Variants in TRPM3 observed in about 807,000 individuals in gnomAD.
TRPM3 encodes the protein transient receptor potential cation channel subfamily M member 3, also known as long transient receptor potential channel 3.
Under a neutral mutation model 181.2 loss-of-function variants are expected in TRPM3, and 77 were observed. The observed-to-expected ratio is 0.42, with a 90% CI of 0.35 to 0.51. TRPM3 has a LOEUF of 0.51. Among genes scored for constraint, TRPM3 ranks in the 20% least tolerant of loss-of-function variants. TRPM3 has a pLI of 0.01. For synonymous variants in TRPM3, 745 were observed against 796.4 expected (o/e 0.94, Z 1.09); for missense variants, 1,759 against 2,196.7 (o/e 0.80, Z 3.98).
At chr9:70,592,239 A>G (rs1348224021) in intron 21 of TRPM3, among the ~76,000 whole-genome samples, 2 of 152,200 alleles carry the variant, frequency 1.3e-5, no homozygotes, top group Admixed American at 1.3e-4. Context: ...GCTACGTTAA[A>G]TATGATACTG....
chr9:71,200,131 C>T (rs1227000605), intron 1 of TRPM3, among the ~76,000 whole-genome samples: 2 of 152,004 alleles, frequency 1.3e-5, no homozygotes, highest in African/African-American at 4.8e-5. Context: ...TCGTTATGTA[C>T]CCAGTAGTCA....
At chr9:71,047,663 C>T (rs2059592007) in intron 1 of TRPM3, among the ~76,000 whole-genome samples, 1 of 152,130 alleles carries the variant, frequency 6.6e-6, no homozygotes, top group Non-Finnish European at 1.5e-5. Context: ...TACTCCTTTA[C>T]CATAAGCAAG....
chr9:70,813,544 A>G (rs1340238416), intron 6 of TRPM3, among the ~76,000 whole-genome samples: 2 of 152,002 alleles, frequency 1.3e-5, no homozygotes, highest in Admixed American at 1.3e-4. Flanking sequence ...AAATCTTCCT[A>G]TTGAGTACTG....
chr9:70,570,174 A>G (rs2051831999), intron 22 of TRPM3, among the ~76,000 whole-genome samples: 1 of 151,566 alleles, frequency 6.6e-6, no homozygotes, highest in Admixed American at 6.6e-5. Context: ...AACTTAAGAC[A>G]TTGTACACAT....
chr9:71,445,490 T>G (rs1008270879), intron 1 of TRPM3, among the ~76,000 whole-genome samples: 4 of 152,208 alleles, frequency 2.6e-5, no homozygotes, highest in African/African-American at 7.2e-5. Flanking sequence ...CAAAAAACAT[T>G]AAGTATTTGA....
chr9:71,272,684 AAATAT>A (rs1565407492), intron 1 of TRPM3, among the ~76,000 whole-genome samples: 1 of 152,124 alleles, frequency 6.6e-6, no homozygotes, highest in Non-Finnish European at 1.5e-5. Context: ...GAAACTGTAT[AAATAT>A]AATTTATATA....
Position 70,916,985 on chromosome 9 carries a change from C to A in TRPM3, c.178-52474G>T, listed in dbSNP as rs1037271672. ...CTAGTGAACAATCTGGTATAATTGC[C>A]TGGAGGAGTTAGAAGTCCTGGGACA... On this transcript the variant is annotated intron_variant, in intron 1 of 25. Transcript: ENST00000677713. 5.3e-6 allele frequency: 8 copies of A among 1,515,272 alleles called. No homozygotes were observed. In the African/African-American group the frequency reaches 1.1e-4, roughly 21 times the overall value. The allele number at this position is 1,515,272 out of a possible 1,614,324, so 93.9% of individuals were successfully genotyped here.
rs77258431 is a variant in TRPM3, at chr9:70,606,692, C to A, written c.2668-3222G>T. Among the ~76,000 whole-genome samples, 6 of 150,192 alleles carry A rather than the reference C, an allele frequency of 4.0e-5. No individual in the cohort carries two copies. In the East Asian group the frequency reaches 9.8e-4, roughly 24 times the overall value. On this transcript the variant is annotated intron_variant, in intron 19 of 25. Coordinates refer to ENST00000677713, the MANE Select transcript of TRPM3 (RefSeq NM_001366145.2). ...ATGTATACTCTGTAAGGTTTAGCAA[C>A]CTGTATGTAGAATTTCCAAGCTTTT...
chr9:71,228,603 C>T (rs11142742), intron 1 of TRPM3, among the ~76,000 whole-genome samples: 34,959 of 151,878 alleles, frequency 0.23, 4,552 homozygotes, highest in African/African-American at 0.33. Context: ...AAACTTAGAA[C>T]GGATAAATTC....
At chr9:71,332,565 C>CA (rs142605562) in intron 1 of TRPM3, among the ~76,000 whole-genome samples, 11,804 of 146,394 alleles carry the variant, frequency 0.081, 801 homozygotes, top group African/African-American at 0.16. Context: ...TCTGATGAAC[C>CA]AAAAAAAAAC....
chr9:70,814,823 A>G (rs2092536117), intron 6 of TRPM3, among the ~76,000 whole-genome samples: 1 of 152,026 alleles, frequency 6.6e-6, no homozygotes. Flanking sequence ...CCCTGTGAAT[A>G]GACTACTTTC....
At chr9:70,915,821 GA>G (rs2096588606) in intron 1 of TRPM3, among the ~76,000 whole-genome samples, 1 of 152,056 alleles carries the variant, frequency 6.6e-6, no homozygotes, top group Admixed American at 6.6e-5. Context: ...AAAGTTTATT[GA>G]AAGGGATAAT....
At chr9:70,765,901 A>G (rs1478795238) in intron 7 of TRPM3, among the ~76,000 whole-genome samples, 1 of 152,212 alleles carries the variant, frequency 6.6e-6, no homozygotes, top group Non-Finnish European at 1.5e-5. Flanking sequence ...ATGGCACTAG[A>G]ATATTGATTG....
intron 1 of TRPM3, among the ~76,000 whole-genome samples, chr9:70,965,502 C>T (rs913497189): frequency 3.9e-5 from 6 of 151,970 alleles, no homozygotes; most frequent in African/African-American, 1.2e-4. Context: ...AAAAAGAAGA[C>T]ATCAAAAACC....
chr9:70,779,492 C>T (rs201757235), intron 7 of TRPM3, among the ~76,000 whole-genome samples: 1 of 152,096 alleles, frequency 6.6e-6, no homozygotes, highest in African/African-American at 2.4e-5. Flanking sequence ...GGGTGAAGTA[C>T]TTGCTCACTG....
At chr9:71,020,961 C>G (rs1564991408) in intron 1 of TRPM3, among the ~76,000 whole-genome samples, 1 of 152,086 alleles carries the variant, frequency 6.6e-6, no homozygotes, top group Non-Finnish European at 1.5e-5. Context: ...AATAAGCTAA[C>G]TAACTGGTTA....
chr9:71,257,783 G>T (rs991361058), intron 1 of TRPM3, among the ~76,000 whole-genome samples: 2 of 152,122 alleles, frequency 1.3e-5, no homozygotes, highest in African/African-American at 4.8e-5. Context: ...AGTACTGGTA[G>T]GTCTTTTGAT....
In TRPM3 at chr9:70,655,430, TTTTTCTCTA is replaced by T. The variant is rs1329358499; in HGVS notation, c.1346-14779_1346-14771del. 8.5e-5 allele frequency among the ~76,000 whole-genome samples: 13 copies of T among 152,144 alleles called. No individual in the cohort carries two copies. In the South Asian group the frequency reaches 2.3e-3, roughly 27 times the overall value. On this transcript the variant is annotated intron_variant, in intron 9 of 25. Coordinates refer to ENST00000677713, the MANE Select transcript of TRPM3 (RefSeq NM_001366145.2). The stretch of plus-strand genomic sequence containing the variant: ...AAACTATGGAGTTCCTAAGTTCTCT[TTTTTCTCTA>T]TTTTCTTTTCAGCCTGCTTTAAATC...
chr9:71,265,433 C>G (rs962336579), intron 1 of TRPM3, among the ~76,000 whole-genome samples: 89 of 152,180 alleles, frequency 5.8e-4, no homozygotes, highest in East Asian at 7.7e-4. Flanking sequence ...TTTTAAAAAC[C>G]TTCTTTGAAA....
Sources: gnomAD v4.1 joint callset for allele counts (sites outside exome capture counted in the v4.1 genomes callset) on GRCh38, gnomAD v4.1.1 for gene constraint, MANE v1.5 for transcripts, NCBI Gene and HGNC (gene_info 2026-07-23, HGNC 2026-07-21) for gene names.